CAST: variants seen among roughly 807,000 people sequenced by gnomAD.
The protein encoded by CAST is calpastatin.
In CAST, 76 loss-of-function variants were observed where a neutral mutation model predicts 119.6. The ratio of observed to expected loss-of-function variants is 0.64; its 90% CI spans 0.53 to 0.77. CAST has a LOEUF of 0.77. CAST is among the 30% of genes least tolerant of loss of function. CAST has a pLI of 0.00. For synonymous variants in CAST, 319 were observed against 331.6 expected (o/e 0.96, Z 0.41); for missense variants, 953 against 946.5 (o/e 1.01, Z -0.09).
At chr5:96,347,068 G>A in the CAST span, among the ~76,000 whole-genome samples, 1 of 152,060 alleles carries the variant, frequency 6.6e-6, no homozygotes, top group Non-Finnish European at 1.5e-5. Context: ...ATCAGCATTG[G>A]TGGGAGGGAG....
At chr5:96,109,003 A>G in the CAST span, among the ~76,000 whole-genome samples, 7 of 152,098 alleles carry the variant, frequency 4.6e-5, no homozygotes, top group African/African-American at 1.7e-4. Context: ...GCCGTCTGTC[A>G]CCCCTTTCTT....
chr5:96,159,635 A>T, the CAST span, among the ~76,000 whole-genome samples: 1 of 152,212 alleles, frequency 6.6e-6, no homozygotes, highest in Non-Finnish European at 1.5e-5. Flanking sequence ...AAATAGGATA[A>T]AATACACATT....
intron 1 of CAST, among the ~76,000 whole-genome samples, chr5:96,577,416 T>G (rs1022272899): frequency 3.3e-5 from 5 of 152,138 alleles, no homozygotes; most frequent in Non-Finnish European, 7.4e-5. Flanking sequence ...TTCTTCTTTC[T>G]GCTTGTCTGG....
chr5:95,974,003 GCACACACACA>G, the CAST span, among the ~76,000 whole-genome samples: 19 of 146,978 alleles, frequency 1.3e-4, no homozygotes, highest in Admixed American at 4.8e-4. Context: ...AAATTTGCAC[GCACACACACA>G]CACACACACA....
At chr5:96,754,278 C>A in intron 21 of CAST, 117 bp downstream of exon 21, 1 of 719,892 alleles carries the variant, frequency 1.4e-6, no homozygotes, top group Non-Finnish European at 2.5e-6. Context: ...GACCAGCTGG[C>A]TTTTTCTATT....
the CAST span, among the ~76,000 whole-genome samples, chr5:96,301,083 G>A: frequency 6.6e-6 from 1 of 152,110 alleles, no homozygotes; most frequent in Non-Finnish European, 1.5e-5. Flanking sequence ...TCTCCAGGCT[G>A]TACATGAAAC....
chr5:96,424,303 C>G, the CAST span, among the ~76,000 whole-genome samples: 4 of 152,218 alleles, frequency 2.6e-5, no homozygotes, highest in East Asian at 7.7e-4. Flanking sequence ...ATTTGCCAGG[C>G]TGGTATGAAG....
At chr5:96,238,321 T>TCTTCTTCTG in the CAST span, among the ~76,000 whole-genome samples, 5 of 40,026 alleles carry the variant, frequency 1.2e-4, no homozygotes, top group Non-Finnish European at 2.4e-4. Flanking sequence ...TTCTTCTTCT[T>TCTTCTTCTG]CTTCTTCTTC....
chr5:96,219,755 A>G, the CAST span, among the ~76,000 whole-genome samples: 2 of 150,816 alleles, frequency 1.3e-5, no homozygotes, highest in Non-Finnish European at 2.9e-5. Flanking sequence ...GAAGGCAGGC[A>G]GGCAGGAAGG....
At chr5:96,395,108 A>C in the CAST span, 3 of 1,081,330 alleles carry the variant, frequency 2.8e-6, no homozygotes, top group Non-Finnish European at 4.3e-6. Context: ...AAAGGATTTC[A>C]TTGTTAAAAT....
upstream of CAST, among the ~76,000 whole-genome samples, chr5:96,660,120 A>C (rs763770862): frequency 6.6e-6 from 1 of 152,188 alleles, no homozygotes; most frequent in Non-Finnish European, 1.5e-5. Flanking sequence ...GAATAGATTG[A>C]TTACTTACTC....
chr5:96,696,781 G>C (rs2150307418), intron 3 of CAST, among the ~76,000 whole-genome samples: 1 of 152,132 alleles, frequency 6.6e-6, no homozygotes, highest in Non-Finnish European at 1.5e-5. Flanking sequence ...ACTTAAGTCT[G>C]GGAGGTCGAG....
chr5:96,547,206 T>C (rs1395964674), intron 1 of CAST, among the ~76,000 whole-genome samples: 1 of 152,178 alleles, frequency 6.6e-6, no homozygotes, highest in African/African-American at 2.4e-5. Context: ...TCATGAGATT[T>C]AATTATGGGT....
intron 1 of CAST, among the ~76,000 whole-genome samples, chr5:96,617,588 G>A (rs1747488407): frequency 6.6e-6 from 1 of 151,732 alleles, no homozygotes; most frequent in Non-Finnish European, 1.5e-5. Context: ...AGGAGATCGA[G>A]ACCATCCTGG....
the CAST span, among the ~76,000 whole-genome samples, chr5:96,061,010 A>G: frequency 6.6e-6 from 1 of 152,042 alleles, no homozygotes; most frequent in Non-Finnish European, 1.5e-5. Flanking sequence ...GCACTCTGGT[A>G]TCTTTTCTTA....
upstream of CAST, among the ~76,000 whole-genome samples, chr5:96,522,637 G>C (rs1018126338): frequency 2.2e-4 from 34 of 152,146 alleles, no homozygotes; most frequent in Admixed American, 4.6e-4. Context: ...ACTTTCTCTA[G>C]TGCTGACCCC....
At chr5:96,705,607 T>C (rs1431096746) in intron 3 of CAST, among the ~76,000 whole-genome samples, 1 of 152,074 alleles carries the variant, frequency 6.6e-6, no homozygotes, top group African/African-American at 2.4e-5. Flanking sequence ...GTGACTGTAA[T>C]AGGTTCTAGT....
chr5:96,185,270 T>C, the CAST span, among the ~76,000 whole-genome samples: 2 of 152,208 alleles, frequency 1.3e-5, no homozygotes, highest in Non-Finnish European at 1.5e-5. Flanking sequence ...ATGAATACAT[T>C]GTAAAAATTT....
chr5:96,286,936 CATT>C, the CAST span, among the ~76,000 whole-genome samples: 153 of 152,150 alleles, frequency 1.0e-3, no homozygotes, highest in African/African-American at 3.6e-3. Flanking sequence ...TTTGCTGAAA[CATT>C]ATCCATTTTG....
Sources: allele counts gnomAD v4.1 joint callset (sites outside exome capture counted in the v4.1 genomes callset), GRCh38; gene constraint gnomAD v4.1.1; transcripts MANE v1.5; gene names NCBI Gene and HGNC (gene_info 2026-07-23, HGNC 2026-07-21).